The following MAP2 variants were observed in gnomAD, a reference collection of about 807,000 sequenced individuals.
MAP2 encodes microtubule associated protein 2, also known as microtubule-associated protein 2.
A neutral mutation model predicts 137.6 loss-of-function variants in MAP2; 14 were observed. The ratio of observed to expected loss-of-function variants is 0.10; its 90% CI spans 0.07 to 0.16. The LOEUF (loss-of-function observed/expected upper bound fraction) is 0.16, where lower values mean the gene tolerates loss of function less well. Ranked by LOEUF, MAP2 falls within the 10% of genes least tolerant of loss-of-function variation. MAP2 has a pLI of 1.00. For synonymous variants in MAP2, 786 were observed against 782.3 expected (o/e 1.00, Z -0.08); for missense variants, 2,088 against 2,191.5 (o/e 0.95, Z 0.94).
intron 1 of MAP2, among the ~76,000 whole-genome samples, chr2:209,463,538 T>C (rs1319808810): frequency 6.6e-6 from 1 of 152,184 alleles, no homozygotes; most frequent in African/African-American, 2.4e-5. Context: ...AATCAAGGCA[T>C]GCTTATTAGT....
rs929811998 is a variant in MAP2, at chr2:209,515,598, C to A, written c.-172+7957C>A. ...ATCATGAAAACAGCATGGGAGAAAC[C>A]GCGCCCATGATTCAATGACCTCCCA... On this transcript the variant is annotated intron_variant, in intron 2 of 15. Transcript: ENST00000682079. 2.0e-5 allele frequency among the ~76,000 whole-genome samples: 3 copies of A among 151,940 alleles called. No individual in the cohort carries two copies. In the East Asian group the frequency reaches 5.8e-4, roughly 30 times the overall value.
At chr2:209,555,508 A>G (rs1466881858) in intron 2 of MAP2, among the ~76,000 whole-genome samples, 1 of 152,178 alleles carries the variant, frequency 6.6e-6, no homozygotes, top group Non-Finnish European at 1.5e-5. Flanking sequence ...ACTGGAGATA[A>G]GGTAAATTAG....
chr2:209,525,734 C>A (rs1021302180), intron 2 of MAP2, among the ~76,000 whole-genome samples: 6 of 152,086 alleles, frequency 3.9e-5, no homozygotes, highest in African/African-American at 7.2e-5. Context: ...ACTCCATTGT[C>A]CTTTCAAAAA....
At chr2:209,631,076 G>A (rs539672280) in intron 4 of MAP2, among the ~76,000 whole-genome samples, 126 of 125,010 alleles carry the variant, frequency 1.0e-3, no homozygotes, top group African/African-American at 2.7e-3. Flanking sequence ...CAAAATGACT[G>A]TCATAGACAA....
Position 209,692,969 on chromosome 2 carries a change from A to C in MAP2, c.799A>C (p.Ile267Leu). The C allele has an allele frequency of 6.2e-7, 1 of 1,614,058 alleles. No individual in the cohort carries two copies. Among genetic ancestry groups the C allele is most frequent in the Non-Finnish European group, 8.5e-7 (1 of 1,179,966 alleles). Residue 267 changes from isoleucine (I) to leucine (L), a missense_variant, in exon 8 of 16, where the codon ATC (isoleucine) becomes CTC (leucine). Physicochemically the swap from Ile to Leu is conservative, Grantham distance 5 (BLOSUM62 2). Around this residue, in one of 6 missense-constraint regions of MAP2, gnomAD observed 859 missense variants for 794.5 expected, o/e 1.08. Transcript: ENST00000682079. ...TCCAAAAGAACAAAAGGACTGGTTC[A>C]TCGAAATGCCAACGGAAGCAAAAAA... ...PTPKEQKDWF[I>L]EMPTEAKKDE...
intron 2 of MAP2, among the ~76,000 whole-genome samples, chr2:209,572,750 A>G (rs966843821): frequency 1.3e-5 from 2 of 152,192 alleles, no homozygotes; most frequent in Non-Finnish European, 1.5e-5. Context: ...GTTTCTCAAC[A>G]TACAGATGTT....
In MAP2 at chr2:209,733,982, G is replaced by A. The variant is rs2076123185; in HGVS notation, c.*3585G>A. 2 of 152,550 alleles carry A rather than the reference G, an allele frequency of 1.3e-5. No homozygotes were observed. The highest frequency in any genetic ancestry group is 4.8e-5 in the African/African-American group (2 of 41,420). The allele number at this position is 152,550 out of a possible 1,614,324, so 9.4% of individuals were successfully genotyped here. On this transcript the variant is annotated 3_prime_UTR_variant, in exon 16 of 16. Transcript: ENST00000682079. Reference sequence around the variant, plus strand: ...GGGTTTCTTTCTTCTGATAATTCTAGAGCCTGTTACCATAGAAAGGCATTT... The same window carrying A: ...GGGTTTCTTTCTTCTGATAATTCTAAAGCCTGTTACCATAGAAAGGCATTT...
chr2:209,640,239 T>C (rs35066079), intron 4 of MAP2, among the ~76,000 whole-genome samples: 4,575 of 152,166 alleles, frequency 0.03, 109 homozygotes, highest in Non-Finnish European at 0.049. Flanking sequence ...GTATTATTGT[T>C]ATTGGTTTGT....
chr2:209,578,932 T>G (rs1018493438), intron 2 of MAP2, among the ~76,000 whole-genome samples: 1 of 152,072 alleles, frequency 6.6e-6, no homozygotes, highest in South Asian at 2.1e-4. Context: ...ATTCTCTGTT[T>G]TTTTTTTTTC....
At chr2:209,427,072 C>T (rs1470189416) in intron 1 of MAP2, among the ~76,000 whole-genome samples, 1 of 152,186 alleles carries the variant, frequency 6.6e-6, no homozygotes, top group Non-Finnish European at 1.5e-5. Context: ...ACAATAGGTG[C>T]ATCCTTCAGT....
At chr2:209,578,194 A>G (rs1391479535) in intron 2 of MAP2, among the ~76,000 whole-genome samples, 1 of 152,132 alleles carries the variant, frequency 6.6e-6, no homozygotes, top group Non-Finnish European at 1.5e-5. Flanking sequence ...CACCTATGAA[A>G]CAAAGGATGT....
At chr2:209,704,928 A>G in intron 11 of MAP2, among the ~76,000 whole-genome samples, 1 of 150,592 alleles carries the variant, frequency 6.6e-6, no homozygotes, top group East Asian at 1.9e-4. Context: ...TATATAATAT[A>G]TAAGAAATAA....
intron 4 of MAP2, among the ~76,000 whole-genome samples, chr2:209,629,671 C>CT (rs1201819076): frequency 6.6e-6 from 1 of 152,278 alleles, no homozygotes; most frequent in East Asian, 1.9e-4. Flanking sequence ...CTATCCTATT[C>CT]TGTACTCTCA....
chr2:209,691,849 T>G (rs1035602172), intron 7 of MAP2, among the ~76,000 whole-genome samples: 1 of 152,212 alleles, frequency 6.6e-6, no homozygotes, highest in Admixed American at 6.5e-5. Flanking sequence ...ATCAACAGTG[T>G]AATTCAGATT....
chr2:209,516,797 T>C (rs1185970010), intron 2 of MAP2, among the ~76,000 whole-genome samples: 1 of 152,098 alleles, frequency 6.6e-6, no homozygotes, highest in Non-Finnish European at 1.5e-5. Context: ...CCCTTGGGGT[T>C]TTCTACCTGT....
intron 3 of MAP2, among the ~76,000 whole-genome samples, chr2:209,581,893 T>C (rs917173800): frequency 2.6e-5 from 4 of 152,176 alleles, no homozygotes; most frequent in African/African-American, 9.7e-5. Context: ...TAAAAATTCA[T>C]CTAGCGGTAT....
intron 5 of MAP2, among the ~76,000 whole-genome samples, chr2:209,658,222 AT>A (rs1167518095): frequency 6.6e-6 from 1 of 152,154 alleles, no homozygotes; most frequent in African/African-American, 2.4e-5. Context: ...GACCTTTCAA[AT>A]TTTAAGGGCA....
At chr2:209,616,762 A>G (rs1026923854) in intron 3 of MAP2, among the ~76,000 whole-genome samples, 1 of 152,156 alleles carries the variant, frequency 6.6e-6, no homozygotes, top group Non-Finnish European at 1.5e-5. Flanking sequence ...AATACACAAT[A>G]TGCATTGTTA....
At chr2:209,458,578 A>G (rs1444119884) in intron 1 of MAP2, among the ~76,000 whole-genome samples, 1 of 152,186 alleles carries the variant, frequency 6.6e-6, no homozygotes, top group Non-Finnish European at 1.5e-5. Flanking sequence ...CCTAAAGGGG[A>G]TGGTCACTGT....
Sources: allele counts gnomAD v4.1 joint callset (sites outside exome capture counted in the v4.1 genomes callset), GRCh38; gene constraint gnomAD v4.1.1; regional missense constraint gnomAD v4.1.1; transcripts MANE v1.5; gene names NCBI Gene and HGNC (gene_info 2026-07-23, HGNC 2026-07-21).